The following SLC22A15 variants were observed in gnomAD, a reference collection of about 807,000 sequenced individuals.
SLC22A15 encodes flipt 1.
A neutral mutation model predicts 62.7 loss-of-function variants in SLC22A15; 45 were observed. The ratio of observed to expected loss-of-function variants is 0.72; its 90% CI spans 0.56 to 0.92. SLC22A15 has a LOEUF of 0.92. SLC22A15 is among the 40% of genes least tolerant of loss of function. SLC22A15 has a pLI of 0.00. For synonymous variants in SLC22A15, 264 were observed against 267.0 expected (o/e 0.99, Z 0.11); for missense variants, 622 against 665.6 (o/e 0.93, Z 0.72).
chr1:116,031,856 C>T, intron 6 of SLC22A15: 1 of 1,269,802 alleles, frequency 7.9e-7, no homozygotes, highest in Non-Finnish European at 9.9e-7. Flanking sequence ...AGGTATTTAT[C>T]ATAAATATTT....
chr1:116,034,029 A>G (rs1260914224), intron 6 of SLC22A15, among the ~76,000 whole-genome samples: 1 of 152,190 alleles, frequency 6.6e-6, no homozygotes, highest in East Asian at 1.9e-4. Flanking sequence ...AGAGATGGAA[A>G]TAAAACTTTC....
chr1:116,004,375 C>T (rs1437889518), intron 2 of SLC22A15, among the ~76,000 whole-genome samples: 2 of 152,108 alleles, frequency 1.3e-5, no homozygotes, highest in East Asian at 1.9e-4. Context: ...GCTCTTTCTC[C>T]TCCCCATTCC....
chr1:116,036,958 A>G (rs1657645380), intron 7 of SLC22A15, among the ~76,000 whole-genome samples: 1 of 152,230 alleles, frequency 6.6e-6, no homozygotes, highest in South Asian at 2.1e-4. Flanking sequence ...AGAATATAAT[A>G]GTACATGCCT....
Position 116,067,270 on chromosome 1 carries a change from G to T in SLC22A15, c.*162G>T. 1 of 595,708 alleles carries T rather than the reference G, an allele frequency of 1.7e-6. No homozygotes were observed. The highest frequency in any genetic ancestry group is 3.0e-6 in the Non-Finnish European group (1 of 336,116). The allele number at this position is 595,708 out of a possible 1,614,324, so 36.9% of individuals were successfully genotyped here. On this transcript the variant is annotated 3_prime_UTR_variant, in exon 12 of 12. Transcript: ENST00000369503. ...CTGATGTTTTTAGGCACAGAAGTTG[G>T]AGAAGAGATTTCATGAAAGACAACA...
At chr1:116,009,304 C>T (rs952194205) in intron 2 of SLC22A15, among the ~76,000 whole-genome samples, 6 of 151,802 alleles carry the variant, frequency 4.0e-5, no homozygotes, top group Non-Finnish European at 7.3e-5. Flanking sequence ...GCTCCCGTCC[C>T]ACCGTTCAGA....
At chr1:116,066,811 A>G (rs1274244521) in intron 11 of SLC22A15, 103 bp downstream of exon 11, 1 of 1,199,494 alleles carries the variant, frequency 8.3e-7, no homozygotes, top group Non-Finnish European at 1.2e-6. Context: ...ACTGCTGGAA[A>G]ACAAAAGTGG....
chr1:116,024,365 T>C (rs1422018609), intron 4 of SLC22A15, among the ~76,000 whole-genome samples: 2 of 152,170 alleles, frequency 1.3e-5, no homozygotes, highest in Non-Finnish European at 2.9e-5. Flanking sequence ...TACTCTTTTC[T>C]AACCTGCTGA....
At chr1:116,016,199 C>T (rs1300451045) in intron 2 of SLC22A15, among the ~76,000 whole-genome samples, 3 of 150,268 alleles carry the variant, frequency 2.0e-5, no homozygotes, top group East Asian at 3.9e-4. Context: ...CCCTCCCCTC[C>T]CCTCTTCTCA....
chr1:116,019,297 T>C (rs932741078), intron 2 of SLC22A15, among the ~76,000 whole-genome samples: 2 of 152,220 alleles, frequency 1.3e-5, no homozygotes, highest in African/African-American at 4.8e-5. Flanking sequence ...ATGTGGGACA[T>C]AGTCAATAGA....
intron 1 of SLC22A15, among the ~76,000 whole-genome samples, 156 bp downstream of exon 1, chr1:115,976,870 C>T (rs1654323593): frequency 6.6e-6 from 1 of 152,040 alleles, no homozygotes; most frequent in Non-Finnish European, 1.5e-5. Context: ...GGGCGAGGCG[C>T]CGCGCGGTGG....
intron 2 of SLC22A15, among the ~76,000 whole-genome samples, chr1:115,993,411 G>C (rs1019990108): frequency 3.5e-5 from 5 of 143,888 alleles, no homozygotes; most frequent in Non-Finnish European, 5.9e-5. Context: ...ACTCTCCTGT[G>C]TGTGTGAGTG....
chr1:116,050,705 A>T (rs1373431195), intron 8 of SLC22A15, among the ~76,000 whole-genome samples: 1 of 152,184 alleles, frequency 6.6e-6, no homozygotes, highest in Non-Finnish European at 1.5e-5. Context: ...TCGACATAGT[A>T]CTGGAAGTCC....
chr1:116,065,443 T>TG (rs1377475002), intron 10 of SLC22A15, among the ~76,000 whole-genome samples: 1 of 152,204 alleles, frequency 6.6e-6, no homozygotes, highest in Non-Finnish European at 1.5e-5. Context: ...ATAGCTATCC[T>TG]ACAACATTAT....
chr1:116,040,300 C>A (rs562540252), intron 8 of SLC22A15, among the ~76,000 whole-genome samples: 151 of 152,306 alleles, frequency 9.9e-4, no homozygotes, highest in African/African-American at 3.4e-3. Flanking sequence ...GTAATATTAG[C>A]AGGTGGCCAC....
At chr1:116,020,664 A>G in intron 3 of SLC22A15, 57 bp from the exon 4 acceptor site, 1 of 1,339,872 alleles carries the variant, frequency 7.5e-7, no homozygotes, top group South Asian at 1.4e-5. Context: ...ATAATTTATT[A>G]CTTTCATCAA....
At position 116,067,650 on chromosome 1, in the gene SLC22A15, C is replaced by A. The variant is rs1160750305; in HGVS notation, c.*542C>A. On this transcript the variant is annotated 3_prime_UTR_variant, in exon 12 of 12. Coordinates refer to ENST00000369503, the MANE Select transcript of SLC22A15 (RefSeq NM_018420.3). The stretch of plus-strand genomic sequence containing the variant: ...GAGGTCATCTGTGTGTCCCGAGACC[C>A]TCCAGCTTTTTCTTAGCTGATGAAA... 2 of 152,524 alleles carry A rather than the reference C, an allele frequency of 1.3e-5. No homozygotes were observed. The highest frequency in any genetic ancestry group is 3.8e-4 in the East Asian group (2 of 5,202). The allele number at this position is 152,524 out of a possible 1,614,324, so 9.4% of individuals were successfully genotyped here. A position where few individuals can be genotyped will look rare whatever the true frequency, so the allele number is the denominator to read the frequency against.
chr1:116,041,329 G>A (rs2101493270), intron 8 of SLC22A15, among the ~76,000 whole-genome samples: 1 of 152,230 alleles, frequency 6.6e-6, no homozygotes, highest in African/African-American at 2.4e-5. Context: ...AGAGTAATTA[G>A]GGATTCAAAA....
At chr1:116,024,821 C>T (rs1657011874) in intron 4 of SLC22A15, among the ~76,000 whole-genome samples, 1 of 152,146 alleles carries the variant, frequency 6.6e-6, no homozygotes, top group Non-Finnish European at 1.5e-5. Context: ...CTGATCGGCT[C>T]AGCTGATTGG....
chr1:116,062,261 A>G (rs1658402102), intron 8 of SLC22A15, among the ~76,000 whole-genome samples: 1 of 152,168 alleles, frequency 6.6e-6, no homozygotes, highest in Non-Finnish European at 1.5e-5. Flanking sequence ...ATAGTAATTG[A>G]ATGGCATTGT....
Sources: allele counts gnomAD v4.1 joint callset (sites outside exome capture counted in the v4.1 genomes callset), GRCh38; gene constraint gnomAD v4.1.1; transcripts MANE v1.5; gene names NCBI Gene and HGNC (gene_info 2026-07-23, HGNC 2026-07-21).